The following ADCY2 variants were observed in gnomAD, a reference collection of about 807,000 sequenced individuals.
ADCY2 encodes the protein adenylate cyclase type 2.
In ADCY2, 31 loss-of-function variants were observed where a neutral mutation model predicts 125.2. The ratio of observed to expected loss-of-function variants is 0.25; its 90% CI spans 0.19 to 0.33. The LOEUF is 0.33. Ranked by LOEUF, ADCY2 falls within the 10% of genes least tolerant of loss-of-function variation. The probability of loss-of-function intolerance (pLI) is 1.00; values close to 1 mark genes in which losing one functional copy is unlikely to be tolerated. For synonymous variants in ADCY2, 512 were observed against 548.4 expected (o/e 0.93, Z 0.93); for missense variants, 904 against 1,418.2 (o/e 0.64, Z 5.82).
intron 18 of ADCY2, among the ~76,000 whole-genome samples, chr5:7,781,473 G>A (rs553310096): frequency 6.6e-6 from 1 of 152,304 alleles, no homozygotes; most frequent in African/African-American, 2.4e-5. Flanking sequence ...AGACACACAG[G>A]AATGCCACGT....
chr5:7,477,729 C>A (rs923086216), intron 2 of ADCY2, among the ~76,000 whole-genome samples: 3 of 152,072 alleles, frequency 2.0e-5, no homozygotes, highest in African/African-American at 7.2e-5. Context: ...TTGTTTGAGG[C>A]CTAATCAGAA....
At chr5:7,752,477 AT>A (rs5865731) in intron 15 of ADCY2, among the ~76,000 whole-genome samples, 69,370 of 150,642 alleles carry the variant, frequency 0.46, 16,932 homozygotes, top group East Asian at 0.94. Context: ...ACTTTTCTGG[AT>A]TTTTTTTTTC....
chr5:7,448,463 T>C (rs1741358290), intron 2 of ADCY2, among the ~76,000 whole-genome samples: 1 of 152,150 alleles, frequency 6.6e-6, no homozygotes, highest in Non-Finnish European at 1.5e-5. Context: ...TTGATCAGAT[T>C]CATTCATTAT....
At chr5:7,743,431 T>G (rs1471132460) in intron 14 of ADCY2, among the ~76,000 whole-genome samples, 1 of 152,034 alleles carries the variant, frequency 6.6e-6, no homozygotes, top group Non-Finnish European at 1.5e-5. Flanking sequence ...CATAAAGAAC[T>G]GATGCTTCTG....
intron 3 of ADCY2, among the ~76,000 whole-genome samples, chr5:7,548,866 A>C (rs1285376163): frequency 6.6e-6 from 1 of 152,196 alleles, no homozygotes; most frequent in Non-Finnish European, 1.5e-5. Context: ...TGCAACCATA[A>C]TATTTACTTG....
chr5:7,802,491 G>A lies in ADCY2; in HGVS notation c.2775+127G>A. 1.9e-6 allele frequency: 2 copies of A among 1,048,942 alleles called. No individual in the cohort carries two copies. Among genetic ancestry groups the A allele is most frequent in the Non-Finnish European group, 2.7e-6 (2 of 740,242 alleles). 65.0% of individuals were successfully genotyped at this position (1,048,942 alleles called of 1,614,324 possible). A position where few individuals can be genotyped will look rare whatever the true frequency, so the allele number is the denominator to read the frequency against. Reference sequence around the variant, plus strand: ...TCCTTTGGCATAATTTCTGGCAGATGGCATTAAAGCCTTTTGCTTTATTTA... The same window carrying A: ...TCCTTTGGCATAATTTCTGGCAGATAGCATTAAAGCCTTTTGCTTTATTTA... On this transcript the variant is annotated intron_variant, in intron 21 of 24. Coordinates refer to ENST00000338316, the MANE Select transcript of ADCY2 (RefSeq NM_020546.3). This position sits in a 1 kb window ranked among gnomAD's most constrained non-coding sequence, Gnocchi z 4.6.
chr5:7,762,462 G>A (rs1360548415), intron 16 of ADCY2, among the ~76,000 whole-genome samples: 1 of 152,248 alleles, frequency 6.6e-6, no homozygotes, highest in African/African-American at 2.4e-5. Flanking sequence ...CACAGGTGGT[G>A]CTGATGCAGC....
intron 4 of ADCY2, among the ~76,000 whole-genome samples, chr5:7,656,334 G>A (rs1739325781): frequency 1.3e-5 from 2 of 152,292 alleles, no homozygotes; most frequent in South Asian, 2.1e-4. Flanking sequence ...GGTTACAGGC[G>A]TGAGCCACGG....
chr5:7,414,620 G>A lies in ADCY2; in HGVS notation c.258G>A (p.Leu86=). The A allele has an allele frequency of 6.2e-7, 1 of 1,613,488 alleles. No individual in the cohort carries two copies. The change falls in exon 2 of 25, where the codon CTG becomes CTA. Residue 86 remains leucine (L), a synonymous_variant. Transcript: ENST00000338316. ...TTCTAATAACAGTTCCAACTGCCCT[G>A]GCGATTTTCTTTGCGATATTTATCC... ...VAFLITVPTA[L]AIFFAIFILV...
At chr5:7,666,554 C>A (rs560483988) in intron 4 of ADCY2, among the ~76,000 whole-genome samples, 1 of 152,370 alleles carries the variant, frequency 6.6e-6, no homozygotes, top group African/African-American at 2.4e-5. Context: ...AGGCGTGAGC[C>A]ACTGTGCTTG....
intron 9 of ADCY2, among the ~76,000 whole-genome samples, chr5:7,708,842 C>G (rs990231674): frequency 3.9e-5 from 6 of 152,002 alleles, no homozygotes; most frequent in Non-Finnish European, 8.8e-5. Context: ...CACCAAAACA[C>G]GATGTTTGGG....
intron 14 of ADCY2, among the ~76,000 whole-genome samples, chr5:7,730,939 C>G (rs1182028344): frequency 6.6e-6 from 1 of 152,078 alleles, no homozygotes; most frequent in Non-Finnish European, 1.5e-5. Flanking sequence ...CTGCTCAGTT[C>G]TGGAAAATTC....
chr5:7,759,123 G>A (rs1743110410), intron 16 of ADCY2, among the ~76,000 whole-genome samples: 1 of 152,174 alleles, frequency 6.6e-6, no homozygotes, highest in Non-Finnish European at 1.5e-5. Flanking sequence ...TCAGAGAGAA[G>A]CTGTAGCTTG....
chr5:7,573,593 CTTTTTTTTTTTTTTTTTTT>C (rs763347773), intron 3 of ADCY2, among the ~76,000 whole-genome samples: 10 of 86,376 alleles, frequency 1.2e-4, no homozygotes, highest in Non-Finnish European at 2.1e-4. Context: ...GGTTGATTTT[CTTTTTTTTTTTTTTTTTTT>C]TTTTTTGAGA....
At chr5:7,641,332 A>G (rs1738704763) in intron 4 of ADCY2, among the ~76,000 whole-genome samples, 1 of 152,312 alleles carries the variant, frequency 6.6e-6, no homozygotes, top group Non-Finnish European at 1.5e-5. Flanking sequence ...CTAAAACTAG[A>G]GTTGTAAAAA....
intron 4 of ADCY2, among the ~76,000 whole-genome samples, chr5:7,635,378 T>A (rs940248893): frequency 1.3e-5 from 2 of 152,152 alleles, no homozygotes; most frequent in African/African-American, 4.8e-5. Flanking sequence ...TTAGGACATA[T>A]TTTAAAATTG....
intron 24 of ADCY2, among the ~76,000 whole-genome samples, chr5:7,824,295 A>G (rs912214898): frequency 5.9e-5 from 9 of 152,148 alleles, no homozygotes; most frequent in Non-Finnish European, 1.3e-4. Context: ...CTAGGCCTGG[A>G]GGCATAGTAA....
chr5:7,694,348 T>G lies in ADCY2; in HGVS notation c.870-1404T>G, dbSNP rs564995317. Among the ~76,000 whole-genome samples the G allele has an allele frequency of 3.3e-5, 5 of 152,292 alleles. No individual in the cohort carries two copies. The East Asian group carries it at 9.6e-4, about 29-fold the overall frequency. ...ACAGTTCAGTTGGATCACGGACACT[T>G]ACATTGTTCTACAACCATCAATATT... On this transcript the variant is annotated intron_variant, in intron 5 of 24. Coordinates refer to ENST00000338316, the MANE Select transcript of ADCY2 (RefSeq NM_020546.3).
In ADCY2 at chr5:7,789,815, GC is replaced by G; in HGVS notation, c.2628+16del. The G allele has an allele frequency of 2.7e-6, 4 of 1,479,202 alleles. No individual in the cohort carries two copies. The highest frequency in any genetic ancestry group is 2.7e-6 in the Non-Finnish European group (3 of 1,112,834). The allele number at this position is 1,479,202 out of a possible 1,614,324, so 91.6% of individuals were successfully genotyped here. A position where few individuals can be genotyped will look rare whatever the true frequency, so the allele number is the denominator to read the frequency against. ...TGAAGAATGAGGTCAGACCAGGGGG[GC>G]TGGGGGCTGGGGGAGGGGGCTGGAT... On this transcript the variant is annotated intron_variant, in intron 20 of 24. Transcript: ENST00000338316.
Sources: gnomAD v4.1 joint callset for allele counts (sites outside exome capture counted in the v4.1 genomes callset) on GRCh38, gnomAD v4.1.1 for gene constraint, Gnocchi (gnomAD v3.1) non-coding constraint, MANE v1.5 for transcripts, NCBI Gene and HGNC (gene_info 2026-07-23, HGNC 2026-07-21) for gene names.